The following ZMAT4 variants were observed in gnomAD, a reference collection of about 807,000 sequenced individuals.
ZMAT4 encodes the protein zinc finger matrin-type 4, also known as zinc finger matrin-type protein 4.
ZMAT4 carries 17 observed loss-of-function variants against 28.7 expected under a neutral mutation model. That is an observed-to-expected ratio of 0.59 (90% confidence interval 0.41 to 0.89). ZMAT4 has a LOEUF of 0.89. ZMAT4 is among the 40% of genes least tolerant of loss of function. The pLI is 0.00. For synonymous variants in ZMAT4, 117 were observed against 109.2 expected, an observed-to-expected ratio of 1.07 and a Z score of -0.44; for missense variants, 240 against 283.8, an observed-to-expected ratio of 0.85 and a Z score of 1.11.
chr8:40,699,596 G>GCACACACACA (rs10681965), intron 3 of ZMAT4, among the ~76,000 whole-genome samples: 4,682 of 149,678 alleles, frequency 0.031, 103 homozygotes, highest in South Asian at 0.064. Flanking sequence ...AAATGTAAAT[G>GCACACACACA]CACACACACA....
intron 4 of ZMAT4, among the ~76,000 whole-genome samples, chr8:40,696,379 A>G (rs970308401): frequency 1.3e-5 from 2 of 152,216 alleles, no homozygotes; most frequent in African/African-American, 4.8e-5. Flanking sequence ...CAGTTTATGC[A>G]TGATTCATTA....
At chr8:40,681,890 A>G (rs1428834269) in intron 4 of ZMAT4, among the ~76,000 whole-genome samples, 2 of 152,150 alleles carry the variant, frequency 1.3e-5, no homozygotes, top group African/African-American at 4.8e-5. Flanking sequence ...ATAAAAAAAA[A>G]AGATATGTTT....
intron 5 of ZMAT4, among the ~76,000 whole-genome samples, chr8:40,601,430 A>AAGGAAGGG (rs1805306483): frequency 9.9e-6 from 1 of 101,278 alleles, no homozygotes; most frequent in Non-Finnish European, 1.9e-5. Flanking sequence ...GGAAGGAAGG[A>AAGGAAGGG]AGGAAGGAAG....
intron 1 of ZMAT4, among the ~76,000 whole-genome samples, chr8:40,841,357 C>G (rs1816695052): frequency 1.3e-5 from 2 of 152,198 alleles, no homozygotes; most frequent in Admixed American, 1.3e-4. Flanking sequence ...GCTGCACGAC[C>G]AACCAATCCC....
At chr8:40,587,772 A>C (rs972745700) in intron 5 of ZMAT4, among the ~76,000 whole-genome samples, 1 of 152,116 alleles carries the variant, frequency 6.6e-6, no homozygotes, top group African/African-American at 2.4e-5. Flanking sequence ...AACCATATTA[A>C]TATTTACATT....
intron 3 of ZMAT4, among the ~76,000 whole-genome samples, chr8:40,704,176 T>C (rs1810259140): frequency 6.6e-6 from 1 of 152,242 alleles, no homozygotes. Context: ...TTTCCAGTGT[T>C]ATGCATGTTG....
At chr8:40,856,723 C>T (rs1364703730) in intron 1 of ZMAT4, among the ~76,000 whole-genome samples, 1 of 152,098 alleles carries the variant, frequency 6.6e-6, no homozygotes, top group African/African-American at 2.4e-5. Flanking sequence ...TTTCCAGGGA[C>T]AGGGAAGAGC....
chr8:40,692,053 T>A (rs910615588), intron 4 of ZMAT4, among the ~76,000 whole-genome samples: 2 of 152,212 alleles, frequency 1.3e-5, no homozygotes, highest in Non-Finnish European at 2.9e-5. Flanking sequence ...AAAATAAAAC[T>A]ATAGACACTT....
At chr8:40,719,497 G>C (rs1183877985) in intron 3 of ZMAT4, among the ~76,000 whole-genome samples, 1 of 152,088 alleles carries the variant, frequency 6.6e-6, no homozygotes, top group Non-Finnish European at 1.5e-5. Flanking sequence ...GTAAATTAGA[G>C]AAAGCAGGGA....
At chr8:40,715,672 T>TG (rs1280843924) in intron 3 of ZMAT4, among the ~76,000 whole-genome samples, 1 of 151,662 alleles carries the variant, frequency 6.6e-6, no homozygotes. Context: ...GGAGAGAGAG[T>TG]GTGTGCTTTA....
intron 1 of ZMAT4, among the ~76,000 whole-genome samples, chr8:40,844,483 A>C (rs999288401): frequency 3.3e-5 from 5 of 152,286 alleles, no homozygotes; most frequent in Non-Finnish European, 7.4e-5. Flanking sequence ...TTCAGATTCA[A>C]GCTGAATTAC....
In ZMAT4 at chr8:40,581,238, T is replaced by C. The variant is rs17851751; in HGVS notation, c.601A>G (p.Thr201Ala). The C allele has an allele frequency of 0.27, 438,595 of 1,611,648 alleles. 64,409 individuals carry two copies. Among genetic ancestry groups the C allele is most frequent in the Non-Finnish European group, 0.31 (360,626 of 1,178,130 alleles). ...LRGLRRNYRC[T>A]ICSVSLNSIE... Reference sequence around the variant, plus strand: ...GAGTTTAGGGAGACACTGCAGATGGTACATCTGTAATTGCGCCTCAGACCT... The same window carrying C: ...GAGTTTAGGGAGACACTGCAGATGGCACATCTGTAATTGCGCCTCAGACCT... Residue 201 changes from threonine (T) to alanine (A), a missense_variant, in exon 6 of 7, where the codon ACC becomes GCC. By Grantham distance (58) the Thr-to-Ala change is moderately conservative. Transcript: ENST00000297737.
intron 5 of ZMAT4, among the ~76,000 whole-genome samples, chr8:40,601,556 A>AAAGAAAG (rs1222724844): frequency 1.4e-5 from 2 of 139,692 alleles, no homozygotes; most frequent in Non-Finnish European, 3.1e-5. Context: ...AGTGAGAAAG[A>AAAGAAAG]AAGAAAGAAG....
intron 6 of ZMAT4, among the ~76,000 whole-genome samples, chr8:40,545,159 A>G (rs1803161164): frequency 6.6e-6 from 1 of 151,814 alleles, no homozygotes; most frequent in African/African-American, 2.4e-5. Flanking sequence ...ATCTTTGTGG[A>G]TTTTTTCAAG....
intron 1 of ZMAT4, among the ~76,000 whole-genome samples, chr8:40,847,862 G>A (rs1466389366): frequency 1.3e-5 from 2 of 152,160 alleles, no homozygotes; most frequent in African/African-American, 2.4e-5. Flanking sequence ...GGCTCCAACA[G>A]AAAACCCTGA....
At chr8:40,682,808 TA>T in intron 4 of ZMAT4, among the ~76,000 whole-genome samples, 1 of 152,244 alleles carries the variant, frequency 6.6e-6, no homozygotes, top group Non-Finnish European at 1.5e-5. Context: ...TGAGTTTCAT[TA>T]ATATAGAATA....
At chr8:40,582,699 C>A (rs1406799247) in intron 5 of ZMAT4, among the ~76,000 whole-genome samples, 3 of 152,186 alleles carry the variant, frequency 2.0e-5, no homozygotes, top group Non-Finnish European at 4.4e-5. Flanking sequence ...ACCTGGGTAA[C>A]TTTATGCAAA....
chr8:40,730,962 A>C (rs1026652495), intron 3 of ZMAT4, among the ~76,000 whole-genome samples: 2 of 152,176 alleles, frequency 1.3e-5, no homozygotes, highest in African/African-American at 4.8e-5. Context: ...CTCATCTCCC[A>C]GCCACAGCCC....
At chr8:40,616,616 C>A (rs1163270877) in intron 5 of ZMAT4, among the ~76,000 whole-genome samples, 1 of 152,056 alleles carries the variant, frequency 6.6e-6, no homozygotes, top group African/African-American at 2.4e-5. Context: ...AATCATCATT[C>A]TGAGCAAACT....
Sources: allele counts gnomAD v4.1 joint callset (sites outside exome capture counted in the v4.1 genomes callset), GRCh38; gene constraint gnomAD v4.1.1; transcripts MANE v1.5; gene names NCBI Gene and HGNC (gene_info 2026-07-23, HGNC 2026-07-21).